BMP6: variants seen among roughly 807,000 people sequenced by gnomAD.
BMP6 encodes the protein VG-1-R.
A neutral mutation model predicts 54.1 loss-of-function variants in BMP6; 17 were observed. The observed-to-expected ratio is 0.31, with a 90% CI of 0.22 to 0.47. The LOEUF is 0.47. Ranked by LOEUF, BMP6 falls within the 20% of genes least tolerant of loss-of-function variation. The pLI is 1.00. For synonymous variants in BMP6, 328 were observed against 291.2 expected, an observed-to-expected ratio of 1.13 and a Z score of -1.28; for missense variants, 720 against 690.4, an observed-to-expected ratio of 1.04 and a Z score of -0.48.
chr6:7,752,975 A>G (rs1204873119), intron 1 of BMP6, among the ~76,000 whole-genome samples: 1 of 152,146 alleles, frequency 6.6e-6, no homozygotes, highest in Non-Finnish European at 1.5e-5. Context: ...GAGTCAGCCT[A>G]TCATGCTGCA....
chr6:7,727,302 A>G lies in BMP6; in HGVS notation c.347A>G (p.Gln116Arg). ...CGGCAGCAGGAGGAGCAGCAGCAGCAGCAGCAGCTGCCTCGCGGAGAGCCC... is the reference window on the plus strand; with the variant it reads ...CGGCAGCAGGAGGAGCAGCAGCAGCGGCAGCAGCTGCCTCGCGGAGAGCCC... Reference protein sequence around the residue: ...ALRQQEEQQQQQQLPRGEPPP... With the variant: ...ALRQQEEQQQRQQLPRGEPPP... The change falls in exon 1 of 7, where the codon CAG becomes CGG. Residue 116 changes from glutamine (Q) to arginine (R), a missense_variant. By Grantham distance (43) the Gln-to-Arg change is conservative. Coordinates refer to ENST00000283147, the MANE Select transcript of BMP6 (RefSeq NM_001718.6). 1.9e-6 allele frequency: 3 copies of G among 1,608,046 alleles called. No individual in the cohort carries two copies. The highest frequency in any genetic ancestry group is 2.5e-6 in the Non-Finnish European group (3 of 1,178,014).
intron 1 of BMP6, among the ~76,000 whole-genome samples, chr6:7,785,369 T>C (rs1758005923): frequency 1.3e-5 from 2 of 152,194 alleles, no homozygotes; most frequent in Non-Finnish European, 1.5e-5. Flanking sequence ...TGAGTGCTTG[T>C]TTGTAGCTTC....
chr6:7,858,975 G>A (rs565118829), intron 2 of BMP6, among the ~76,000 whole-genome samples: 3 of 151,946 alleles, frequency 2.0e-5, no homozygotes, highest in East Asian at 1.9e-4. Flanking sequence ...ACAGAACAAC[G>A]CAAATTCATG....
intron 1 of BMP6, among the ~76,000 whole-genome samples, chr6:7,812,224 GAATT>G (rs1758446162): frequency 6.6e-6 from 1 of 152,172 alleles, no homozygotes. Context: ...AGAACTCAGT[GAATT>G]AATTCCATAT....
At chr6:7,752,544 T>C (rs1010714835) in intron 1 of BMP6, among the ~76,000 whole-genome samples, 1 of 150,476 alleles carries the variant, frequency 6.6e-6, no homozygotes, top group Admixed American at 6.7e-5. Context: ...CATGTTATTA[T>C]GGAGTTCAAC....
chr6:7,759,696 C>CTTTTTTTTTTTTTTTTTTT (rs71542880), intron 1 of BMP6, among the ~76,000 whole-genome samples: 3 of 62,152 alleles, frequency 4.8e-5, no homozygotes, highest in African/African-American at 9.8e-5. Flanking sequence ...CTTTCTTCTT[C>CTTTTTTTTTTTTTTTTTTT]TTTTTTTTTT....
At chr6:7,795,035 A>T (rs971845344) in intron 1 of BMP6, among the ~76,000 whole-genome samples, 1 of 152,136 alleles carries the variant, frequency 6.6e-6, no homozygotes, top group African/African-American at 2.4e-5. Context: ...ATGTTTTTCC[A>T]GTTTATTAAA....
intron 1 of BMP6, among the ~76,000 whole-genome samples, chr6:7,728,499 C>G (rs1388918870): frequency 6.7e-6 from 1 of 150,312 alleles, no homozygotes; most frequent in East Asian, 1.9e-4. Flanking sequence ...CCAGTCACAT[C>G]GCCCTTTCTC....
intron 1 of BMP6, among the ~76,000 whole-genome samples, chr6:7,742,611 G>A (rs1014334662): frequency 6.6e-6 from 1 of 152,272 alleles, no homozygotes; most frequent in Non-Finnish European, 1.5e-5. Flanking sequence ...CCCAGGGGGC[G>A]GGTGGTCTCT....
intron 1 of BMP6, among the ~76,000 whole-genome samples, chr6:7,738,301 A>C (rs2113112935): frequency 6.6e-6 from 1 of 152,034 alleles, no homozygotes; most frequent in East Asian, 1.9e-4. Flanking sequence ...CTGCCCCCAC[A>C]CCCACTCCTG....
Position 7,727,425 on chromosome 6 carries a change from G to T in BMP6, c.470G>T (p.Arg157Met). The T allele has an allele frequency of 6.2e-7, 1 of 1,606,742 alleles. No individual in the cohort carries two copies. Reference protein sequence around the residue: ...NDEDGASEGERQQSWPHEAAS... With the variant: ...NDEDGASEGEMQQSWPHEAAS... ...GAGGACGGGGCGTCGGAGGGGGAGA[G>T]GCAGCAGTCCTGGCCCCACGAAGCA... The change falls in exon 1 of 7, where the codon AGG becomes ATG. Residue 157 changes from arginine (R) to methionine (M), a missense_variant. Transcript: ENST00000283147.
chr6:7,733,010 T>A (rs562431843), intron 1 of BMP6, among the ~76,000 whole-genome samples: 2 of 152,256 alleles, frequency 1.3e-5, no homozygotes, highest in Admixed American at 1.3e-4. Flanking sequence ...TCAATTCTCC[T>A]GTGTCAGCCT....
At chr6:7,751,294 T>C (rs1479744989) in intron 1 of BMP6, among the ~76,000 whole-genome samples, 1 of 152,210 alleles carries the variant, frequency 6.6e-6, no homozygotes, top group African/African-American at 2.4e-5. Context: ...ATCAATCTCA[T>C]GGGGCTCCCT....
intron 2 of BMP6, among the ~76,000 whole-genome samples, chr6:7,857,712 G>T (rs1276498340): frequency 6.6e-6 from 1 of 152,224 alleles, no homozygotes; most frequent in Non-Finnish European, 1.5e-5. Context: ...ACAGTCCGCA[G>T]ACTAGGAAGG....
At position 7,836,993 on chromosome 6, in the gene BMP6, T is replaced by A. The variant is rs114434766; in HGVS notation, c.665-8147T>A. ...TGGAATGACCATGTTTCAAAAAAAA[T>A]TTCAAGTTTGGTGTGTAACTGTAAA... On this transcript the variant is annotated intron_variant, in intron 1 of 6. Coordinates refer to ENST00000283147, the MANE Select transcript of BMP6 (RefSeq NM_001718.6). Among the ~76,000 whole-genome samples, 1,255 of 152,302 alleles carry A rather than the reference T, an allele frequency of 8.2e-3. 23 individuals are homozygous for A. Among genetic ancestry groups the A allele is most frequent in the African/African-American group, 0.029 (1,215 of 41,558 alleles).
chr6:7,729,671 C>T (rs539841351), intron 1 of BMP6, among the ~76,000 whole-genome samples: 5 of 152,132 alleles, frequency 3.3e-5, no homozygotes, highest in Non-Finnish European at 7.3e-5. Context: ...GAAACACTGG[C>T]ACAGGAGATC....
At chr6:7,757,992 C>T (rs1757552345) in intron 1 of BMP6, among the ~76,000 whole-genome samples, 1 of 152,174 alleles carries the variant, frequency 6.6e-6, no homozygotes, top group Non-Finnish European at 1.5e-5. Context: ...AATCTTGCCT[C>T]TAATTATCTT....
intron 1 of BMP6, among the ~76,000 whole-genome samples, chr6:7,764,012 C>A (rs78637214): frequency 5.3e-5 from 8 of 152,166 alleles, no homozygotes; most frequent in East Asian, 1.9e-4. Context: ...AGTGAAGGAT[C>A]CGTCTTCAGA....
At chr6:7,774,843 ATTGT>A (rs1757840968) in intron 1 of BMP6, among the ~76,000 whole-genome samples, 1 of 152,202 alleles carries the variant, frequency 6.6e-6, no homozygotes, top group African/African-American at 2.4e-5. Context: ...AGAAAAGAAA[ATTGT>A]TTGACTTACA....
Sources: allele counts gnomAD v4.1 joint callset (sites outside exome capture counted in the v4.1 genomes callset), GRCh38; gene constraint gnomAD v4.1.1; transcripts MANE v1.5; gene names NCBI Gene and HGNC (gene_info 2026-07-23, HGNC 2026-07-21).